The following NELL1 variants were observed in gnomAD, a reference collection of about 807,000 sequenced individuals.
The protein encoded by NELL1 is protein kinase C-binding protein NELL1.
In NELL1, 76 loss-of-function variants were observed where a neutral mutation model predicts 107.4. That is an observed-to-expected ratio of 0.71 (90% confidence interval 0.59 to 0.86). NELL1 has a LOEUF of 0.86. Ranked by LOEUF, NELL1 falls within the 40% of genes least tolerant of loss-of-function variation. NELL1 has a pLI of 0.00. For missense variants in NELL1, 1,024 were observed against 1,005.5 expected (o/e 1.02, Z -0.25); for synonymous variants, 353 against 341.2 (o/e 1.03, Z -0.38).
chr11:20,770,357 G>C (rs1344886979), intron 2 of NELL1, among the ~76,000 whole-genome samples: 1 of 152,156 alleles, frequency 6.6e-6, no homozygotes, highest in Non-Finnish European at 1.5e-5. Flanking sequence ...AAGAAAAACA[G>C]CAAGTCTGCC....
intron 12 of NELL1, among the ~76,000 whole-genome samples, chr11:21,082,102 A>G (rs1394525466): frequency 6.6e-6 from 1 of 152,128 alleles, no homozygotes; most frequent in Non-Finnish European, 1.5e-5. Context: ...TGAAAATTAC[A>G]GCTGAATTCT....
At chr11:21,094,798 G>A (rs2133694484) in intron 12 of NELL1, among the ~76,000 whole-genome samples, 1 of 152,242 alleles carries the variant, frequency 6.6e-6, no homozygotes, top group East Asian at 1.9e-4. Flanking sequence ...CCTGGGCCTG[G>A]CCCACAAAAC....
At chr11:21,426,024 T>A (rs1167240671) in intron 15 of NELL1, among the ~76,000 whole-genome samples, 1 of 152,138 alleles carries the variant, frequency 6.6e-6, no homozygotes, top group African/African-American at 2.4e-5. Flanking sequence ...GTGGGAAGAT[T>A]TGACATTTTT....
intron 15 of NELL1, among the ~76,000 whole-genome samples, chr11:21,501,017 A>G (rs182323518): frequency 6.6e-6 from 1 of 152,170 alleles, no homozygotes; most frequent in African/African-American, 2.4e-5. Context: ...GACTATCCTG[A>G]TGGTGGTAGA....
rs769583783 is a variant in NELL1 at position 20,847,806 on chromosome 11, G to T, written c.506+53G>T. The stretch of plus-strand genomic sequence containing the variant: ...ATTCTGCCCTTGAAATCAAGCAATG[G>T]AAAAGGGGAAAAAATATCAAATTCC... On this transcript the variant is annotated intron_variant, in intron 4 of 19. Coordinates refer to ENST00000357134, the MANE Select transcript of NELL1 (RefSeq NM_006157.5). 290 of 1,506,806 alleles carry T rather than the reference G, an allele frequency of 1.9e-4. No individual in the cohort carries two copies. Among genetic ancestry groups the T allele is most frequent in the Non-Finnish European group, 2.3e-4 (257 of 1,117,038 alleles). 93.3% of individuals were successfully genotyped at this position (1,506,806 alleles called of 1,614,324 possible).
intron 15 of NELL1, among the ~76,000 whole-genome samples, chr11:21,460,388 CT>C (rs1052331038): frequency 5.3e-5 from 8 of 152,004 alleles, no homozygotes; most frequent in African/African-American, 1.9e-4. Context: ...AGCCTGCAGC[CT>C]TTTCTCAGCA....
intron 12 of NELL1, among the ~76,000 whole-genome samples, chr11:20,972,356 A>G (rs1032009679): frequency 6.6e-6 from 1 of 152,152 alleles, no homozygotes; most frequent in Non-Finnish European, 1.5e-5. Flanking sequence ...GTGTGTGTCA[A>G]TGAGTAGTTA....
At chr11:20,829,782 G>A (rs138733612) in intron 3 of NELL1, among the ~76,000 whole-genome samples, 2 of 151,928 alleles carry the variant, frequency 1.3e-5, no homozygotes, top group Non-Finnish European at 2.9e-5. Flanking sequence ...TCATGATTAA[G>A]TTATTATTAT....
chr11:21,219,900 C>T (rs1857711193), intron 13 of NELL1, among the ~76,000 whole-genome samples: 1 of 152,084 alleles, frequency 6.6e-6, no homozygotes, highest in Non-Finnish European at 1.5e-5. Flanking sequence ...AGCATGGCTT[C>T]AGAAACCTTA....
At chr11:20,855,012 T>C (rs1331824438) in intron 4 of NELL1, among the ~76,000 whole-genome samples, 1 of 152,220 alleles carries the variant, frequency 6.6e-6, no homozygotes, top group East Asian at 1.9e-4. Context: ...CATTACAGTG[T>C]TGGATATCTC....
Position 20,998,133 on chromosome 11 carries a change from T to G in NELL1, c.1300+37573T>G, listed in dbSNP as rs547125107. Among the ~76,000 whole-genome samples, 7 of 152,340 alleles carry G rather than the reference T, an allele frequency of 4.6e-5. No homozygotes were observed. The South Asian group carries it at 1.5e-3, about 32-fold the overall frequency. ...TCCATCTCCTGAGATTTTTAGAATA[T>G]TTTAAAAATTATAAGAATATTAAGA... On this transcript the variant is annotated intron_variant, in intron 12 of 19. Coordinates refer to ENST00000357134, the MANE Select transcript of NELL1 (RefSeq NM_006157.5).
At chr11:21,502,385 A>G (rs1855164946) in intron 15 of NELL1, among the ~76,000 whole-genome samples, 1 of 152,286 alleles carries the variant, frequency 6.6e-6, no homozygotes, top group Admixed American at 6.5e-5. Context: ...AAAATGCTGC[A>G]GAAAGTAAAA....
At chr11:20,903,703 G>C (rs567772416) in intron 5 of NELL1, among the ~76,000 whole-genome samples, 1 of 152,020 alleles carries the variant, frequency 6.6e-6, no homozygotes, top group Non-Finnish European at 1.5e-5. Context: ...ATCCTGGAAG[G>C]CTTGTTAAAA....
intron 14 of NELL1, among the ~76,000 whole-genome samples, chr11:21,297,923 GAGAGGAGAGA>G (rs1383756124): frequency 6.6e-6 from 1 of 151,910 alleles, no homozygotes; most frequent in Non-Finnish European, 1.5e-5. Context: ...AAGAGAAAGA[GAGAGGAGAGA>G]AGAGGAGAGC....
chr11:20,931,088 A>T (rs990605262), intron 9 of NELL1, among the ~76,000 whole-genome samples: 16 of 152,156 alleles, frequency 1.1e-4, no homozygotes, highest in African/African-American at 3.9e-4. Flanking sequence ...TGCCTGGAAT[A>T]ATGATGAGGG....
chr11:20,964,222 G>T (rs1345367769), intron 12 of NELL1, among the ~76,000 whole-genome samples: 1 of 152,038 alleles, frequency 6.6e-6, no homozygotes, highest in African/African-American at 2.4e-5. Context: ...AGTTTCTGAT[G>T]CATTAGGAGT....
rs373209799 is a variant in NELL1, at chr11:20,960,417, A to G, written c.1172-15A>G. 1 of 1,610,608 alleles carries G rather than the reference A, an allele frequency of 6.2e-7. No individual in the cohort carries two copies. Among genetic ancestry groups the G allele is most frequent in the African/African-American group, 1.3e-5 (1 of 74,520 alleles). On this transcript the variant is annotated splice_polypyrimidine_tract_variant and intron_variant, in intron 11 of 19. Transcript: ENST00000357134. ...TCCTCCTTTTCTGATGTACGTTTTT[A>G]TTTGTTTTTTCTAGGTCATAACTTT...
chr11:21,169,882 A>C (rs1229861123), intron 13 of NELL1: 10 of 1,416,508 alleles, frequency 7.1e-6, no homozygotes, highest in Non-Finnish European at 8.9e-6. Flanking sequence ...GTCACCCAGC[A>C]CTGGCAGATG....
At chr11:20,704,049 C>T (rs184530666) in intron 2 of NELL1, among the ~76,000 whole-genome samples, 17 of 151,600 alleles carry the variant, frequency 1.1e-4, no homozygotes, top group South Asian at 4.2e-4. Context: ...GTTCAATTCC[C>T]GGGTATCCTT....
Sources: gnomAD v4.1 joint callset for allele counts (sites outside exome capture counted in the v4.1 genomes callset) on GRCh38, gnomAD v4.1.1 for gene constraint, MANE v1.5 for transcripts, NCBI Gene and HGNC (gene_info 2026-07-23, HGNC 2026-07-21) for gene names.